Variants in YPEL2 observed in about 807,000 individuals in gnomAD.
The protein encoded by YPEL2 is yippee like 2.
A neutral mutation model predicts 19.1 loss-of-function variants in YPEL2; 2 were observed. The ratio of observed to expected loss-of-function variants is 0.10; its 90% CI spans 0.04 to 0.33. The LOEUF (loss-of-function observed/expected upper bound fraction) is 0.33. Among genes scored for constraint, YPEL2 ranks in the 10% least tolerant of loss-of-function variants. The probability of loss-of-function intolerance (pLI) is 1.00; values close to 1 mark genes in which losing one functional copy is unlikely to be tolerated. For synonymous variants in YPEL2, 52 were observed against 50.0 expected, an observed-to-expected ratio of 1.04 and a Z score of -0.17; for missense variants, 66 against 140.7, an observed-to-expected ratio of 0.47 and a Z score of 2.68.
intron 1 of YPEL2, among the ~76,000 whole-genome samples, chr17:59,333,694 A>G (rs541232479): frequency 6.6e-6 from 1 of 152,336 alleles, no homozygotes; most frequent in Admixed American, 6.5e-5. Context: ...GTCCTGACCC[A>G]TAGTTTGAGA....
chr17:59,346,866 T>C (rs2047758819), intron 1 of YPEL2, among the ~76,000 whole-genome samples: 1 of 152,158 alleles, frequency 6.6e-6, no homozygotes, highest in Non-Finnish European at 1.5e-5. Flanking sequence ...TGTATCAGCC[T>C]GAAGGAATGG....
chr17:59,348,134 G>A (rs181302749), intron 1 of YPEL2, among the ~76,000 whole-genome samples: 12 of 152,286 alleles, frequency 7.9e-5, no homozygotes, highest in East Asian at 5.8e-4. Flanking sequence ...CAGAAGTCAC[G>A]CAGCTAGAAA....
intron 2 of YPEL2, among the ~76,000 whole-genome samples, chr17:59,367,015 G>A (rs1464989335): frequency 6.6e-6 from 1 of 152,230 alleles, no homozygotes; most frequent in Admixed American, 6.5e-5. Context: ...AAGCCAATAA[G>A]ATAAGGTCTG....
At position 59,397,618 on chromosome 17, in the gene YPEL2, G is replaced by A. The variant is rs576573886; in HGVS notation, c.*428G>A. The A allele has an allele frequency of 7.7e-4, 123 of 158,862 alleles. No homozygotes were observed. Among genetic ancestry groups the A allele is most frequent in the African/African-American group, 2.8e-3 (115 of 41,802 alleles). The allele number at this position is 158,862 out of a possible 1,614,324, so 9.8% of individuals were successfully genotyped here. ...TGGCGCGGGGAAGGGGTGGAAGGGT[G>A]GAGGTAGGAACAAAATTGCGCCGCT... On this transcript the variant is annotated 3_prime_UTR_variant, in exon 5 of 5. Coordinates refer to ENST00000312655, the MANE Select transcript of YPEL2 (RefSeq NM_001005404.4).
intron 1 of YPEL2, among the ~76,000 whole-genome samples, chr17:59,334,393 G>GGA (rs1555568455): frequency 1.3e-5 from 2 of 148,878 alleles, no homozygotes; most frequent in Non-Finnish European, 3.0e-5. Flanking sequence ...TTTTATTTGG[G>GGA]GGGGGGTGAG....
chr17:59,393,741 T>C, intron 4 of YPEL2, among the ~76,000 whole-genome samples: 1 of 149,308 alleles, frequency 6.7e-6, no homozygotes, highest in Non-Finnish European at 1.5e-5. Context: ...CCTTCAAGCA[T>C]CTGTTTAACA....
At chr17:59,381,465 G>A (rs779753492) in intron 2 of YPEL2, among the ~76,000 whole-genome samples, 14 of 152,212 alleles carry the variant, frequency 9.2e-5, no homozygotes, top group Non-Finnish European at 1.2e-4. Context: ...ACTCCAAGGT[G>A]AGGACCTGTA....
rs751358898 is a variant in YPEL2, at chr17:59,397,124, G to A, written c.294G>A (p.Gln98=). The change falls in exon 5 of 5, where the codon CAG becomes CAA. Residue 98 remains glutamine, a synonymous_variant. Transcript: ENST00000312655. ...AGGAACATGCTTTTGAAAGCAGCCA[G>A]AAATATAAAGAAGGCAAATACATCA... ...WKYEHAFESS[Q]KYKEGKYIIE... is the part of the protein sequence containing the mutation. 9 of 1,612,370 alleles carry A rather than the reference G, an allele frequency of 5.6e-6. No individual in the cohort carries two copies. The highest frequency in any genetic ancestry group is 7.6e-6 in the Non-Finnish European group (9 of 1,179,212).
intron 4 of YPEL2, among the ~76,000 whole-genome samples, chr17:59,395,741 T>C (rs577437465): frequency 6.6e-6 from 1 of 152,130 alleles, no homozygotes; most frequent in African/African-American, 2.4e-5. Context: ...CGGTATTTTG[T>C]TCCTCTCCCT....
intron 2 of YPEL2, among the ~76,000 whole-genome samples, chr17:59,383,901 T>C (rs1039958153): frequency 3.3e-5 from 5 of 152,004 alleles, no homozygotes; most frequent in Non-Finnish European, 7.4e-5. Context: ...TACCAATCTA[T>C]TTATCCGGTC....
At chr17:59,357,250 C>T (rs1014407243) in intron 2 of YPEL2, among the ~76,000 whole-genome samples, 2 of 152,172 alleles carry the variant, frequency 1.3e-5, no homozygotes, top group African/African-American at 2.4e-5. Context: ...GGGGATTATT[C>T]CTGCCTGACA....
intron 2 of YPEL2, 148 bp from the exon 3 acceptor site, chr17:59,388,179 C>T: frequency 2.6e-6 from 2 of 773,858 alleles, no homozygotes; most frequent in East Asian, 2.5e-5. Context: ...GCCCCCACAC[C>T]ATCTGCCAGC....
chr17:59,362,019 G>A (rs927283711), intron 2 of YPEL2, among the ~76,000 whole-genome samples: 13 of 152,198 alleles, frequency 8.5e-5, no homozygotes, highest in South Asian at 4.1e-4. Context: ...ATTATTAGAA[G>A]AATAGAAGCT....
intron 1 of YPEL2, among the ~76,000 whole-genome samples, chr17:59,344,942 A>G (rs1046912970): frequency 7.2e-5 from 11 of 152,064 alleles, no homozygotes; most frequent in Non-Finnish European, 8.8e-5. Context: ...GTGGAAGACA[A>G]TTTTTCCACG....
intron 2 of YPEL2, among the ~76,000 whole-genome samples, chr17:59,357,463 ATT>A (rs1280729105): frequency 1.3e-5 from 2 of 151,952 alleles, no homozygotes; most frequent in Admixed American, 1.3e-4. Flanking sequence ...GCATCCTACA[ATT>A]TTTTTCTTAG....
intron 2 of YPEL2, among the ~76,000 whole-genome samples, chr17:59,357,422 G>C (rs1272286186): frequency 1.3e-5 from 2 of 152,120 alleles, no homozygotes; most frequent in African/African-American, 4.8e-5. Flanking sequence ...CTCTTGAATT[G>C]ATGACAGAAC....
intron 2 of YPEL2, among the ~76,000 whole-genome samples, chr17:59,364,588 G>A (rs1729882310): frequency 6.8e-6 from 1 of 147,350 alleles, no homozygotes; most frequent in African/African-American, 2.5e-5. Context: ...TAGTAGCTGT[G>A]TACATTAAGT....
chr17:59,343,126 A>G (rs932458051), intron 1 of YPEL2, among the ~76,000 whole-genome samples: 2 of 152,210 alleles, frequency 1.3e-5, no homozygotes, highest in African/African-American at 2.4e-5. Context: ...AGTTGGCATC[A>G]CAAGAGTTTA....
intron 2 of YPEL2, among the ~76,000 whole-genome samples, chr17:59,367,142 G>A (rs927553625): frequency 3.3e-5 from 5 of 152,180 alleles, no homozygotes; most frequent in African/African-American, 1.2e-4. Context: ...TCATGTCTTT[G>A]TTTATTTATT....
Sources: gnomAD v4.1 joint callset for allele counts (sites outside exome capture counted in the v4.1 genomes callset) on GRCh38, gnomAD v4.1.1 for gene constraint, MANE v1.5 for transcripts, NCBI Gene and HGNC (gene_info 2026-07-23, HGNC 2026-07-21) for gene names.